Variants in TAGAP observed in about 807,000 individuals in gnomAD.
The protein encoded by TAGAP is T-cell activation Rho GTPase-activating protein.
A neutral mutation model predicts 36.0 loss-of-function variants in TAGAP; 16 were observed. The observed-to-expected ratio is 0.44, with a 90% CI of 0.30 to 0.68. TAGAP has a LOEUF of 0.68. TAGAP is among the 30% of genes least tolerant of loss of function. The pLI, the probability that TAGAP is intolerant of heterozygous loss-of-function variation, is 0.09. For synonymous variants in TAGAP, 372 were observed against 377.4 expected (o/e 0.99, Z 0.17); for missense variants, 794 against 921.5 (o/e 0.86, Z 1.79).
chr6:159,043,867 G>A (rs1219073739), intron 3 of TAGAP, 111 bp downstream of exon 3: 44 of 1,063,346 alleles, frequency 4.1e-5, no homozygotes, highest in Non-Finnish European at 5.9e-5. Context: ...CATGTGTGAT[G>A]TTAGTTTACT....
At chr6:159,038,878 T>C in intron 8 of TAGAP, 1 of 1,385,080 alleles carries the variant, frequency 7.2e-7, no homozygotes, top group Non-Finnish European at 9.4e-7. Context: ...GAGAGAGTGA[T>C]GTAAATACTC....
chr6:159,036,261 C>T lies in TAGAP; in HGVS notation c.1762G>A (p.Glu588Lys), dbSNP rs148912994. The T allele has an allele frequency of 6.2e-6, 10 of 1,612,578 alleles. No homozygotes were observed. Among genetic ancestry groups the T allele is most frequent in the Non-Finnish European group, 8.5e-6 (10 of 1,179,990 alleles). ...TAAGAGGGTGGGCTTCCAGGCCTCTCCCAGTCAGCTCCCTGGAACACATCA... is the reference window on the plus strand; with the variant it reads ...TAAGAGGGTGGGCTTCCAGGCCTCTTCCAGTCAGCTCCCTGGAACACATCA... Reference protein sequence around the residue: ...VDDVFQGADWERPGSPPSYEE... With the variant: ...VDDVFQGADWKRPGSPPSYEE... The change falls in exon 10 of 10, where the codon GAG (glutamate) becomes AAG (lysine). Residue 588 changes from glutamate (E) to lysine (K), a missense_variant. Transcript: ENST00000367066. The surrounding 1 kb of genome is among the most constrained non-coding windows in gnomAD (Gnocchi z 4.9).
Position 159,043,609 on chromosome 6 carries a change from T to C in TAGAP, c.128A>G (p.Asp43Gly), listed in dbSNP as rs766288589. ...HPLLASCESE[D>G]SICQLIEVKK... ...CTCACCAATGAGCTGGCAAATACTG[T>C]CTTCACTCTCACATGATGCCAACAG... Residue 43 changes from aspartate (D) to glycine (G), a missense_variant, in exon 4 of 10, where the codon GAC becomes GGC. Physicochemically the swap from Asp to Gly is moderately conservative, Grantham distance 94. Transcript: ENST00000367066. 6.2e-7 allele frequency: 1 copy of C among 1,614,096 alleles called. No individual in the cohort carries two copies. Among genetic ancestry groups the C allele is most frequent in the Non-Finnish European group, 8.5e-7 (1 of 1,179,952 alleles).
chr6:159,038,761 T>C (rs1277232453), intron 8 of TAGAP, among the ~76,000 whole-genome samples: 3 of 152,184 alleles, frequency 2.0e-5, no homozygotes, highest in Non-Finnish European at 2.9e-5. Context: ...CTTAAAAAAA[T>C]TTAAAGTATT....
intron 7 of TAGAP, among the ~76,000 whole-genome samples, chr6:159,040,377 T>C (rs2073139): frequency 0.13 from 20,461 of 152,172 alleles, 1,956 homozygotes; most frequent in East Asian, 0.4. Flanking sequence ...ATCCCGAATT[T>C]CTACACTTTG....
At chr6:159,044,076 G>A (rs1311701075) in intron 2 of TAGAP, 44 bp downstream of exon 2, 4 of 1,613,614 alleles carry the variant, frequency 2.5e-6, no homozygotes, top group Non-Finnish European at 3.4e-6. Flanking sequence ...TTTGGCCCTT[G>A]CCTGTAGGAA....
intron 8 of TAGAP, 87 bp from the exon 9 acceptor site, chr6:159,038,315 G>A: frequency 1.5e-6 from 1 of 677,942 alleles, no homozygotes; most frequent in Non-Finnish European, 2.5e-6. Context: ...GGGGACACTG[G>A]AGTCAGGTGC....
intron 1 of TAGAP, 137 bp from the exon 2 acceptor site, chr6:159,044,341 T>C: frequency 1.8e-6 from 1 of 551,496 alleles, no homozygotes. Context: ...GCCTTTACTT[T>C]GGAAAAAACT....
chr6:159,035,836 C>T lies in TAGAP; in HGVS notation c.2187G>A (p.Ser729=), dbSNP rs372281481. ...GCGTATGGCCTCCCTCCTAAATATACGATTCTTTGGCATATTGGAATTGGT... is the reference window on the plus strand; with the variant it reads ...GCGTATGGCCTCCCTCCTAAATATATGATTCTTTGGCATATTGGAATTGGT... ...EADQFQYAKE[S]YI is the part of the protein sequence containing the mutation. Residue 729 remains serine, a synonymous_variant, in exon 10 of 10, where the codon TCG becomes TCA. Transcript: ENST00000367066. 5.3e-5 allele frequency: 84 copies of T among 1,596,428 alleles called. No individual in the cohort carries two copies. Among genetic ancestry groups the T allele is most frequent in the Non-Finnish European group, 6.5e-5 (76 of 1,166,162 alleles).
chr6:159,036,199 C>T lies in TAGAP; in HGVS notation c.1824G>A (p.Val608=). The T allele has an allele frequency of 6.2e-7, 1 of 1,610,962 alleles. No homozygotes were observed. Among genetic ancestry groups the T allele is most frequent in the Non-Finnish European group, 8.5e-7 (1 of 1,178,790 alleles). ...TCCCCACGGTCTGGCTCTCGGAGGC[C>T]ACTAGTCTGGCTGCCGGGCCCTGCA... is the stretch of plus-strand genomic sequence containing the variant. The part of the protein sequence containing the change: ...EAMQGPAARL[V]ASESQTVGSM... The change falls in exon 10 of 10, where the codon GTG becomes GTA. Residue 608 remains valine (V), a synonymous_variant. Coordinates refer to ENST00000367066, the MANE Select transcript of TAGAP (RefSeq NM_054114.5). This position sits in a 1 kb window ranked among gnomAD's most constrained non-coding sequence, Gnocchi z 4.9.
chr6:159,042,426 G>A lies in TAGAP; in HGVS notation c.149-182C>T, dbSNP rs1312438161. ...GAATCTTAATCTAGAAAAACCAACCGATAAACAACCACACTGTTACCAGGG... is the reference window on the plus strand; with the variant it reads ...GAATCTTAATCTAGAAAAACCAACCAATAAACAACCACACTGTTACCAGGG... On this transcript the variant is annotated intron_variant, in intron 4 of 9. Transcript: ENST00000367066. 19 of 1,354,730 alleles carry A rather than the reference G, an allele frequency of 1.4e-5. No individual in the cohort carries two copies. The Admixed American group carries it at 3.8e-4, about 27-fold the overall frequency. 83.9% of individuals were successfully genotyped at this position (1,354,730 alleles called of 1,614,324 possible).
intron 4 of TAGAP, 124 bp downstream of exon 4, chr6:159,043,465 C>A (rs1018538943): frequency 2.4e-6 from 2 of 820,268 alleles, no homozygotes; most frequent in Non-Finnish European, 2.1e-6. Flanking sequence ...TAATGTTCTG[C>A]GGTCTTTAAC....
chr6:159,044,759 C>G (rs764982280), intron 1 of TAGAP, 120 bp downstream of exon 1: 3 of 392,694 alleles, frequency 7.6e-6, no homozygotes, highest in Non-Finnish European at 1.3e-5. Flanking sequence ...TGTCCTGAGA[C>G]TTTATAAAGT....
rs1315537282 is a variant in TAGAP, at chr6:159,041,071, G to A, written c.478-239C>T. Reference sequence around the variant, plus strand: ...CCATCCCCAGGTGGGTGTGTTCTGAGGGGCCACTGGATTTTGACGTATGGA... The same window carrying A: ...CCATCCCCAGGTGGGTGTGTTCTGAAGGGCCACTGGATTTTGACGTATGGA... On this transcript the variant is annotated intron_variant, in intron 6 of 9. Transcript: ENST00000367066. This position sits in a 1 kb window ranked among gnomAD's most constrained non-coding sequence, Gnocchi z 4.1. 3 of 586,566 alleles carry A rather than the reference G, an allele frequency of 5.1e-6. No homozygotes were observed. Among genetic ancestry groups the A allele is most frequent in the Admixed American group, 6.2e-5 (2 of 32,024 alleles). The allele number at this position is 586,566 out of a possible 1,614,324, so 36.3% of individuals were successfully genotyped here.
chr6:159,039,161 T>C lies in TAGAP; in HGVS notation c.736A>G (p.Asn246Asp). 1 of 1,614,168 alleles carries C rather than the reference T, an allele frequency of 6.2e-7. No homozygotes were observed. ...CIGPNMLTLE[N>D]DQSLSFEAQK... ...GCTTCAAATGACAGGCTCTGGTCATTCTCCAGGGTGAGCATGTTGGGTCCA... is the reference window on the plus strand; with the variant it reads ...GCTTCAAATGACAGGCTCTGGTCATCCTCCAGGGTGAGCATGTTGGGTCCA... The change falls in exon 8 of 10, where the codon AAT becomes GAT. Residue 246 changes from asparagine to aspartate, a missense_variant. Asn to Asp is a conservative substitution (Grantham distance 23). Coordinates refer to ENST00000367066, the MANE Select transcript of TAGAP (RefSeq NM_054114.5).
chr6:159,039,094 C>G lies in TAGAP; in HGVS notation c.783+20G>C, dbSNP rs938439974. Reference sequence around the variant, plus strand: ...GTGAGATCATAAGTTGGGGATTTCTCATCAGTAAGCAGAACAAACCTTGTT... The same window carrying G: ...GTGAGATCATAAGTTGGGGATTTCTGATCAGTAAGCAGAACAAACCTTGTT... On this transcript the variant is annotated intron_variant, in intron 8 of 9. Transcript: ENST00000367066. 8 of 1,613,938 alleles carry G rather than the reference C, an allele frequency of 5.0e-6. No homozygotes were observed. The African/African-American group carries it at 1.1e-4, about 22-fold the overall frequency.
chr6:159,041,760 C>T lies in TAGAP; in HGVS notation c.316-245G>A, dbSNP rs778374879. 2.4e-5 allele frequency: 13 copies of T among 548,738 alleles called. No individual in the cohort carries two copies. Among genetic ancestry groups the T allele is most frequent in the Non-Finnish European group, 3.8e-5 (12 of 315,190 alleles). The allele number at this position is 548,738 out of a possible 1,614,324, so 34.0% of individuals were successfully genotyped here. ...CATATGAACATTGGATTTCAGATCA[C>T]AAAGTCTATATTCTGTTTCCCCCTT... On this transcript the variant is annotated intron_variant, in intron 5 of 9. Coordinates refer to ENST00000367066, the MANE Select transcript of TAGAP (RefSeq NM_054114.5). This position sits in a 1 kb window ranked among gnomAD's most constrained non-coding sequence, Gnocchi z 4.1.
chr6:159,043,670 A>G lies in TAGAP; in HGVS notation c.82-15T>C. The G allele has an allele frequency of 3.1e-6, 5 of 1,612,670 alleles. No individual in the cohort carries two copies. The highest frequency in any genetic ancestry group is 4.2e-6 in the Non-Finnish European group (5 of 1,178,790). On this transcript the variant is annotated splice_polypyrimidine_tract_variant and intron_variant, in intron 3 of 9. Transcript: ENST00000367066. ...TTGATATCACCCTAAAAACATTTTT[A>G]TTTCAGTTAAATATAGTGACTGAAG...
In TAGAP at chr6:159,036,988, C is replaced by G. The variant is rs370376182; in HGVS notation, c.1035G>C (p.Ala345=). The change falls in exon 10 of 10, where the codon GCG becomes GCC. Residue 345 remains alanine (A), a synonymous_variant. Coordinates refer to ENST00000367066, the MANE Select transcript of TAGAP (RefSeq NM_054114.5). This position sits in a 1 kb window ranked among gnomAD's most constrained non-coding sequence, Gnocchi z 4.9. ...TGACCTCTCGGGCATCCTGTGGGCC[C>G]GCGCTATCCAAGCCAGCAGCTGTGG... ...PMATAAGLDS[A]GPQDAREVSP... is the part of the protein sequence containing the mutation. 1 of 1,613,706 alleles carries G rather than the reference C, an allele frequency of 6.2e-7. No individual in the cohort carries two copies. Among genetic ancestry groups the G allele is most frequent in the Admixed American group, 1.7e-5 (1 of 59,996 alleles).
Sources: allele counts gnomAD v4.1 joint callset (sites outside exome capture counted in the v4.1 genomes callset), GRCh38; gene constraint gnomAD v4.1.1; non-coding constraint Gnocchi (gnomAD v3.1); transcripts MANE v1.5; gene names NCBI Gene and HGNC (gene_info 2026-07-23, HGNC 2026-07-21).